The following TMEM163 variants were observed in gnomAD, a reference collection of about 807,000 sequenced individuals.
TMEM163 encodes transmembrane protein 163.
A neutral mutation model predicts 29.3 loss-of-function variants in TMEM163; 17 were observed. That is an observed-to-expected ratio of 0.58 (90% CI 0.40 to 0.87). The LOEUF is 0.87. Among genes scored for constraint, TMEM163 ranks in the 40% least tolerant of loss-of-function variants. TMEM163 has a pLI of 0.00. For missense variants in TMEM163, 303 were observed against 381.5 expected (o/e 0.79, Z 1.71); for synonymous variants, 157 against 160.6 (o/e 0.98, Z 0.17).
chr2:134,648,304 C>CCTCTTCTCTTCTCTTCTCTTCTCTT (rs60230448), intron 2 of TMEM163, among the ~76,000 whole-genome samples: 10,493 of 143,132 alleles, frequency 0.073, 524 homozygotes, highest in Non-Finnish European at 0.078. Context: ...CACTGCTTCT[C>CCTCTTCTCTTCTCTTCTCTTCTCTT]CTCTTCTCTT....
intron 2 of TMEM163, among the ~76,000 whole-genome samples, chr2:134,557,234 G>A (rs981930746): frequency 1.3e-5 from 2 of 152,252 alleles, no homozygotes; most frequent in African/African-American, 4.8e-5. Flanking sequence ...GCTACAACTA[G>A]CTTTACAGGC....
At chr2:134,557,144 A>T (rs1681065017) in intron 2 of TMEM163, among the ~76,000 whole-genome samples, 1 of 152,222 alleles carries the variant, frequency 6.6e-6, no homozygotes, top group Non-Finnish European at 1.5e-5. Flanking sequence ...GGCATGTCTG[A>T]GGCCATTCTG....
chr2:134,634,583 A>G (rs1683063779), intron 2 of TMEM163, among the ~76,000 whole-genome samples: 1 of 152,202 alleles, frequency 6.6e-6, no homozygotes, highest in South Asian at 2.1e-4. Flanking sequence ...CATGAACATG[A>G]TAGAGGAACC....
At chr2:134,704,051 C>T (rs1388491592) in intron 2 of TMEM163, among the ~76,000 whole-genome samples, 1 of 152,086 alleles carries the variant, frequency 6.6e-6, no homozygotes, top group Non-Finnish European at 1.5e-5. Flanking sequence ...GGGTCCCCTG[C>T]TCAGGAGCTT....
intron 4 of TMEM163, among the ~76,000 whole-genome samples, chr2:134,512,316 G>A (rs1437085239): frequency 6.6e-6 from 1 of 152,156 alleles, no homozygotes; most frequent in Non-Finnish European, 1.5e-5. Context: ...AAATTAGCCA[G>A]GCATGGTGGC....
intron 2 of TMEM163, among the ~76,000 whole-genome samples, chr2:134,642,355 C>T (rs533292878): frequency 5.3e-5 from 8 of 152,052 alleles, no homozygotes; most frequent in Non-Finnish European, 1.2e-4. Flanking sequence ...GTCTCGAACT[C>T]CTAACCTCAG....
chr2:134,551,765 C>G (rs1680931987), intron 3 of TMEM163, among the ~76,000 whole-genome samples: 1 of 152,214 alleles, frequency 6.6e-6, no homozygotes, highest in Admixed American at 6.5e-5. Context: ...CCACATACAA[C>G]CTGGAAGGTA....
intron 2 of TMEM163, among the ~76,000 whole-genome samples, chr2:134,668,625 C>CA (rs1173331892): frequency 0.012 from 1,387 of 114,186 alleles, 13 homozygotes; most frequent in Admixed American, 0.018. Flanking sequence ...AACTCCGTCT[C>CA]AAAAAAAAAA....
intron 5 of TMEM163, among the ~76,000 whole-genome samples, chr2:134,471,084 A>G (rs1686790382): frequency 6.6e-6 from 1 of 152,212 alleles, no homozygotes; most frequent in African/African-American, 2.4e-5. Flanking sequence ...AAGCAAGTGG[A>G]TCACTTGAGG....
At chr2:134,640,950 G>C (rs1683209302) in intron 2 of TMEM163, among the ~76,000 whole-genome samples, 1 of 152,174 alleles carries the variant, frequency 6.6e-6, no homozygotes, top group Non-Finnish European at 1.5e-5. Context: ...TCCATGTTTA[G>C]CTGTCCATGT....
rs114516609 is a variant in TMEM163 at position 134,569,657 on chromosome 2, G to A, written c.323-17566C>T. Among the ~76,000 whole-genome samples, 602 of 151,370 alleles carry A rather than the reference G, an allele frequency of 4.0e-3. 8 individuals carry two copies. The highest frequency in any genetic ancestry group is 0.014 in the African/African-American group (573 of 41,218). On this transcript the variant is annotated intron_variant, in intron 2 of 7. Coordinates refer to ENST00000281924, the MANE Select transcript of TMEM163 (RefSeq NM_030923.5). ...GTATTCTGTTTCAGTACTCAGAGAC[G>A]GTTCTCAGAGACATTCATCAACTAC...
chr2:134,593,628 G>C (rs892476219), intron 2 of TMEM163, among the ~76,000 whole-genome samples: 4 of 152,106 alleles, frequency 2.6e-5, no homozygotes, highest in African/African-American at 7.2e-5. Flanking sequence ...CCTAGGTAGG[G>C]AGTTGGGGCA....
chr2:134,706,109 C>A (rs751987727), intron 2 of TMEM163, among the ~76,000 whole-genome samples: 1 of 152,194 alleles, frequency 6.6e-6, no homozygotes, highest in Non-Finnish European at 1.5e-5. Flanking sequence ...CCACTGTGAG[C>A]GGAGACTCAG....
intron 2 of TMEM163, among the ~76,000 whole-genome samples, chr2:134,605,569 G>C (rs1361606576): frequency 1.3e-5 from 2 of 151,930 alleles, no homozygotes; most frequent in Non-Finnish European, 2.9e-5. Flanking sequence ...ATGGTGGCAG[G>C]CGCCTGTAAT....
chr2:134,492,020 A>G (rs983913714), intron 5 of TMEM163, among the ~76,000 whole-genome samples: 1 of 152,200 alleles, frequency 6.6e-6, no homozygotes, highest in Non-Finnish European at 1.5e-5. Flanking sequence ...CTGGCACTTC[A>G]TGGGTGTTTC....
chr2:134,537,393 C>G (rs1680563491), intron 4 of TMEM163, among the ~76,000 whole-genome samples: 1 of 152,184 alleles, frequency 6.6e-6, no homozygotes, highest in African/African-American at 2.4e-5. Flanking sequence ...GAGGGCCCTC[C>G]TCCTGGCTCA....
At chr2:134,577,405 G>T (rs1156783313) in intron 2 of TMEM163, among the ~76,000 whole-genome samples, 2 of 152,168 alleles carry the variant, frequency 1.3e-5, no homozygotes, top group African/African-American at 4.8e-5. Context: ...TTACTCTCAG[G>T]GTTAGGGGAG....
At chr2:134,531,830 C>G (rs566581005) in intron 4 of TMEM163, among the ~76,000 whole-genome samples, 1 of 152,180 alleles carries the variant, frequency 6.6e-6, no homozygotes, top group Non-Finnish European at 1.5e-5. Flanking sequence ...GGCACATCAA[C>G]TTAACTTTCA....
At chr2:134,675,374 A>T (rs753440175) in intron 2 of TMEM163, among the ~76,000 whole-genome samples, 3 of 152,226 alleles carry the variant, frequency 2.0e-5, no homozygotes, top group Non-Finnish European at 4.4e-5. Flanking sequence ...CTGGGTTTAA[A>T]CTTTAGCCAC....
Sources: allele counts gnomAD v4.1 joint callset (sites outside exome capture counted in the v4.1 genomes callset), GRCh38; gene constraint gnomAD v4.1.1; transcripts MANE v1.5; gene names NCBI Gene and HGNC (gene_info 2026-07-23, HGNC 2026-07-21).